The following MANBA variants were observed in gnomAD, a reference collection of about 807,000 sequenced individuals.
MANBA encodes mannosidase beta, also known as beta-mannosidase.
A neutral mutation model predicts 111.1 loss-of-function variants in MANBA; 83 were observed. The ratio of observed to expected loss-of-function variants is 0.75; its 90% CI spans 0.63 to 0.90. The LOEUF (loss-of-function observed/expected upper bound fraction) is 0.90, where lower values mean the gene tolerates loss of function less well. Among genes scored for constraint, MANBA ranks in the 40% least tolerant of loss-of-function variants. MANBA has a pLI of 0.00. For synonymous variants in MANBA, 370 were observed against 378.7 expected, an observed-to-expected ratio of 0.98 and a Z score of 0.27; for missense variants, 1,036 against 1,069.0, an observed-to-expected ratio of 0.97 and a Z score of 0.43.
chr4:102,690,655 A>G lies in MANBA; in HGVS notation c.790T>C (p.Tyr264His), dbSNP rs765294828. 3 of 1,612,462 alleles carry G rather than the reference A, an allele frequency of 1.9e-6. No homozygotes were observed. Among genetic ancestry groups the G allele is most frequent in the Non-Finnish European group, 2.5e-6 (3 of 1,178,926 alleles). ...AIPKLQTQQTYSIELQPGKRI... is the reference protein window; with the variant it reads ...AIPKLQTQQTHSIELQPGKRI... ...TTCCCAGGTTGAAGTTCAATGCTGT[A>G]TGTCTGTTGTGTTTGCAACTTAGGG... The change falls in exon 6 of 17, where the codon TAC becomes CAC. Residue 264 changes from tyrosine (Y) to histidine (H), a missense_variant. Physicochemically the swap from Tyr to His is moderately conservative, Grantham distance 83. Transcript: ENST00000647097.
chr4:102,654,083 C>T lies in MANBA; in HGVS notation c.1705-3382G>A, dbSNP rs73834880. Among the ~76,000 whole-genome samples, 670 of 152,308 alleles carry T rather than the reference C, an allele frequency of 4.4e-3. 4 individuals carry two copies. Among genetic ancestry groups the T allele is most frequent in the African/African-American group, 0.015 (627 of 41,586 alleles). On this transcript the variant is annotated intron_variant, in intron 12 of 16. Transcript: ENST00000647097. ...GATCTATCTGTGACCTCTTGCAGTA[C>T]TTTGATTTCCCCCTGGGTCTCAAAG...
At chr4:102,751,461 TC>T in intron 1 of MANBA, 1 of 520,782 alleles carries the variant, frequency 1.9e-6, no homozygotes, top group South Asian at 1.4e-5. Context: ...AAATGATGTT[TC>T]CTTCTCAATC....
At chr4:102,661,018 C>T (rs997970737) in intron 11 of MANBA, among the ~76,000 whole-genome samples, 1 of 152,104 alleles carries the variant, frequency 6.6e-6, no homozygotes, top group African/African-American at 2.4e-5. Flanking sequence ...CCCTCTATGA[C>T]CTGCTTCCAG....
chr4:102,660,660 C>T (rs1019120322), intron 11 of MANBA, among the ~76,000 whole-genome samples: 6 of 151,462 alleles, frequency 4.0e-5, no homozygotes, highest in Non-Finnish European at 7.4e-5. Flanking sequence ...CTGGCTACAT[C>T]ACCCAGGCTG....
intron 7 of MANBA, among the ~76,000 whole-genome samples, chr4:102,679,092 C>T (rs138458189): frequency 1.3e-5 from 2 of 152,208 alleles, no homozygotes; most frequent in African/African-American, 4.8e-5. Flanking sequence ...GAAAGTGCTC[C>T]CCCATGTAAA....
intron 1 of MANBA, chr4:102,751,475 T>A: frequency 7.6e-6 from 4 of 526,802 alleles, no homozygotes; most frequent in South Asian, 5.6e-5. Context: ...TCTCAATCCC[T>A]GCCGCCTCTG....
intron 4 of MANBA, among the ~76,000 whole-genome samples, chr4:102,720,811 A>G (rs1487566773): frequency 2.0e-5 from 3 of 152,210 alleles, no homozygotes; most frequent in East Asian, 1.9e-4. Context: ...CAAATGGTCA[A>G]TGGGTCATTG....
intron 4 of MANBA, among the ~76,000 whole-genome samples, chr4:102,716,760 A>G (rs1298166803): frequency 6.6e-6 from 1 of 152,252 alleles, no homozygotes; most frequent in Non-Finnish European, 1.5e-5. Flanking sequence ...GGGGAAAAAA[A>G]GTAACAAGCA....
At chr4:102,691,736 G>A (rs1162262760) in intron 5 of MANBA, among the ~76,000 whole-genome samples, 1 of 152,010 alleles carries the variant, frequency 6.6e-6, no homozygotes, top group East Asian at 1.9e-4. Context: ...TTGAACTCCT[G>A]GCCTCAAGCA....
intron 13 of MANBA, among the ~76,000 whole-genome samples, chr4:102,648,342 G>A (rs998383097): frequency 1.3e-5 from 2 of 152,012 alleles, no homozygotes; most frequent in Non-Finnish European, 2.9e-5. Context: ...AGCAACAGAT[G>A]AACCTGACGA....
intron 1 of MANBA, chr4:102,729,448 G>T: frequency 7.8e-7 from 1 of 1,277,066 alleles, no homozygotes; most frequent in Middle Eastern, 2.0e-4. Context: ...CACCACAGAT[G>T]TGTCCGAGAT....
intron 12 of MANBA, 176 bp from the exon 13 acceptor site, chr4:102,650,877 G>A (rs1730303943): frequency 3.3e-6 from 2 of 599,136 alleles, no homozygotes; most frequent in Non-Finnish European, 5.9e-6. Context: ...TGAAGGACTA[G>A]CCTTGTGGAA....
intron 11 of MANBA, among the ~76,000 whole-genome samples, chr4:102,661,075 T>C (rs951306916): frequency 6.6e-6 from 1 of 152,122 alleles, no homozygotes; most frequent in Non-Finnish European, 1.5e-5. Context: ...AGTCCCTTGC[T>C]CTTAGGCACC....
intron 13 of MANBA, among the ~76,000 whole-genome samples, chr4:102,642,818 G>C (rs1729941402): frequency 6.6e-6 from 1 of 152,066 alleles, no homozygotes; most frequent in African/African-American, 2.4e-5. Flanking sequence ...GTTGTAGCTG[G>C]ACTACATTTT....
In MANBA at chr4:102,639,699, G is replaced by A. The variant is rs192469727; in HGVS notation, c.2014+14C>T. 1.1e-4 allele frequency: 177 copies of A among 1,613,994 alleles called. No individual in the cohort carries two copies. The African/African-American group carries it at 1.8e-3, about 17-fold the overall frequency. ...GCTTTCTCTCACTCGCACAAAGAACGCTGAAATGCTTACCAAGAGAAGCCC... is the reference window on the plus strand; with the variant it reads ...GCTTTCTCTCACTCGCACAAAGAACACTGAAATGCTTACCAAGAGAAGCCC... On this transcript the variant is annotated intron_variant, in intron 14 of 16. Coordinates refer to ENST00000647097, the MANE Select transcript of MANBA (RefSeq NM_005908.4).
intron 11 of MANBA, among the ~76,000 whole-genome samples, chr4:102,659,745 TA>T (rs1730840821): frequency 6.6e-6 from 1 of 152,208 alleles, no homozygotes; most frequent in Non-Finnish European, 1.5e-5. Context: ...TTCTACTTAC[TA>T]AATAAAGCAG....
chr4:102,716,240 C>T (rs745746971), intron 4 of MANBA, among the ~76,000 whole-genome samples: 2 of 126,622 alleles, frequency 1.6e-5, no homozygotes, highest in African/African-American at 3.0e-5. Context: ...ACCCGGGAGG[C>T]GGAGGTTATA....
Position 102,631,900 on chromosome 4 carries a change from TC to T in MANBA, c.*156del, listed in dbSNP as rs1202103524. 7 of 709,860 alleles carry T rather than the reference TC, an allele frequency of 9.9e-6. No individual in the cohort carries two copies. Among genetic ancestry groups the T allele is most frequent in the Non-Finnish European group, 1.5e-5 (6 of 403,596 alleles). 44.0% of individuals were successfully genotyped at this position (709,860 alleles called of 1,614,324 possible). On this transcript the variant is annotated 3_prime_UTR_variant, in exon 17 of 17. Transcript: ENST00000647097. ...GGTAAACAGCCTCCCCTGAAAGTGT[TC>T]AGTGTACAACTCTTCACAGAGCAAT...
intron 13 of MANBA, among the ~76,000 whole-genome samples, chr4:102,642,046 C>T (rs1729900087): frequency 6.6e-6 from 1 of 151,854 alleles, no homozygotes; most frequent in Non-Finnish European, 1.5e-5. Context: ...CCAGTGGGTA[C>T]CAGTCAAGGC....
Sources: gnomAD v4.1 joint callset for allele counts (sites outside exome capture counted in the v4.1 genomes callset) on GRCh38, gnomAD v4.1.1 for gene constraint, MANE v1.5 for transcripts, NCBI Gene and HGNC (gene_info 2026-07-23, HGNC 2026-07-21) for gene names.